The following MACROD2 variants were observed in gnomAD, a reference collection of about 807,000 sequenced individuals.
The protein encoded by MACROD2 is ADP-ribose glycohydrolase MACROD2.
A neutral mutation model predicts 70.4 loss-of-function variants in MACROD2; 36 were observed. The observed-to-expected ratio is 0.51, with a 90% confidence interval of 0.39 to 0.68. The LOEUF is 0.68. Among genes scored for constraint, MACROD2 ranks in the 30% least tolerant of loss-of-function variants. The probability of loss-of-function intolerance (pLI) is 0.00; values close to 1 mark genes in which losing one functional copy is unlikely to be tolerated. For missense variants in MACROD2, 496 were observed against 538.4 expected, an observed-to-expected ratio of 0.92 and a Z score of 0.78; for synonymous variants, 172 against 178.8, an observed-to-expected ratio of 0.96 and a Z score of 0.30.
intron 5 of MACROD2, among the ~76,000 whole-genome samples, chr20:15,190,582 GTA>G (rs1200007405): frequency 1.3e-5 from 2 of 152,206 alleles, no homozygotes; most frequent in Non-Finnish European, 2.9e-5. Context: ...CATTATTCAG[GTA>G]TTATGAGGCC....
chr20:14,516,759 A>G (rs932268103), intron 4 of MACROD2, among the ~76,000 whole-genome samples: 4 of 152,060 alleles, frequency 2.6e-5, no homozygotes. Context: ...TTGACAACCT[A>G]CAGAATGGGA....
chr20:14,936,190 C>T (rs2074339056), intron 5 of MACROD2, among the ~76,000 whole-genome samples: 3 of 152,060 alleles, frequency 2.0e-5, no homozygotes, highest in Non-Finnish European at 4.4e-5. Context: ...GAGGGCCTCT[C>T]GAAGGGTAAC....
chr20:15,915,741 C>T (rs2065305165), intron 10 of MACROD2, among the ~76,000 whole-genome samples: 1 of 151,720 alleles, frequency 6.6e-6, no homozygotes, highest in African/African-American at 2.4e-5. Context: ...GAGCACAAGG[C>T]AGGGAAAATA....
intron 3 of MACROD2, among the ~76,000 whole-genome samples, chr20:14,119,594 C>T (rs988365972): frequency 2.6e-5 from 4 of 152,192 alleles, no homozygotes; most frequent in African/African-American, 9.6e-5. Flanking sequence ...ATTATGGATA[C>T]ATTTGTTCTT....
At chr20:15,472,926 G>C (rs930829692) in intron 7 of MACROD2, among the ~76,000 whole-genome samples, 1 of 152,066 alleles carries the variant, frequency 6.6e-6, no homozygotes, top group African/African-American at 2.4e-5. Flanking sequence ...AAATTTTTCT[G>C]GTCTTCTGTT....
chr20:15,288,620 A>C (rs2077513071), intron 6 of MACROD2, among the ~76,000 whole-genome samples: 1 of 152,110 alleles, frequency 6.6e-6, no homozygotes, highest in Non-Finnish European at 1.5e-5. Flanking sequence ...CTCTTCCGGA[A>C]CTAGGATCCC....
intron 2 of MACROD2, among the ~76,000 whole-genome samples, chr20:14,033,149 G>A (rs988363499): frequency 4.7e-5 from 7 of 148,202 alleles, no homozygotes; most frequent in African/African-American, 1.7e-4. Flanking sequence ...TGTGGTAGGC[G>A]GTAAGTTGTC....
intron 3 of MACROD2, among the ~76,000 whole-genome samples, chr20:14,304,942 C>T (rs1224341436): frequency 1.3e-5 from 2 of 152,106 alleles, no homozygotes; most frequent in Non-Finnish European, 2.9e-5. Flanking sequence ...GTCTAATGCT[C>T]TTCCACTAGT....
chr20:14,850,979 G>T (rs432501), intron 5 of MACROD2, among the ~76,000 whole-genome samples: 91,324 of 151,820 alleles, frequency 0.6, 28,196 homozygotes, highest in Non-Finnish European at 0.67. Context: ...AGCATTGACA[G>T]TACAGTCCTG....
chr20:15,392,180 T>C (rs2045801911), intron 6 of MACROD2, among the ~76,000 whole-genome samples: 1 of 152,220 alleles, frequency 6.6e-6, no homozygotes. Flanking sequence ...TGCAAGAAGA[T>C]TCTGACAGTT....
chr20:15,101,172 T>C (rs901632335), intron 5 of MACROD2, among the ~76,000 whole-genome samples: 7 of 152,182 alleles, frequency 4.6e-5, no homozygotes, highest in African/African-American at 1.7e-4. Context: ...AAAAGGTATT[T>C]AGAAAGTTCT....
At chr20:14,797,350 T>C (rs2072521993) in intron 5 of MACROD2, among the ~76,000 whole-genome samples, 1 of 152,026 alleles carries the variant, frequency 6.6e-6, no homozygotes, top group African/African-American at 2.4e-5. Flanking sequence ...CCAAAATTCT[T>C]AACCCAGTCT....
intron 6 of MACROD2, among the ~76,000 whole-genome samples, chr20:15,255,482 A>G (rs75721705): frequency 6.6e-6 from 1 of 152,144 alleles, no homozygotes; most frequent in African/African-American, 2.4e-5. Context: ...CAGTATTTCA[A>G]AATGAGGGAA....
rs933949144 is a variant in MACROD2 at position 14,794,716 on chromosome 20, A to G, written c.418+109757A>G. 1.7e-4 allele frequency among the ~76,000 whole-genome samples: 26 copies of G among 152,138 alleles called. 1 individual carries two copies. Among genetic ancestry groups the G allele is most frequent in the African/African-American group, 5.6e-4 (23 of 41,392 alleles). On this transcript the variant is annotated intron_variant, in intron 5 of 17. Coordinates refer to ENST00000684519, the MANE Select transcript of MACROD2 (RefSeq NM_001351661.2). Reference sequence around the variant, plus strand: ...TATCTGTTTGTAGAGCATTTTAATTAGTTTAACAAATGTTTACTGGGGTCT... The same window carrying G: ...TATCTGTTTGTAGAGCATTTTAATTGGTTTAACAAATGTTTACTGGGGTCT...
chr20:14,239,540 A>G (rs1461583092), intron 3 of MACROD2, among the ~76,000 whole-genome samples: 1 of 152,200 alleles, frequency 6.6e-6, no homozygotes, highest in Non-Finnish European at 1.5e-5. Flanking sequence ...GGAGCAGAAT[A>G]GAGAGACCTG....
At chr20:14,000,705 T>C (rs1227859801) in intron 1 of MACROD2, among the ~76,000 whole-genome samples, 1 of 152,216 alleles carries the variant, frequency 6.6e-6, no homozygotes, top group Non-Finnish European at 1.5e-5. Context: ...CTTCCTTGTT[T>C]AGGTGAAAAA....
chr20:14,428,901 A>T (rs1329159298), intron 3 of MACROD2, among the ~76,000 whole-genome samples: 1 of 152,160 alleles, frequency 6.6e-6, no homozygotes, highest in Non-Finnish European at 1.5e-5. Context: ...TGACTCATAA[A>T]TATTATGCTT....
chr20:14,038,500 GT>G (rs1032034012), intron 2 of MACROD2, among the ~76,000 whole-genome samples: 2 of 152,194 alleles, frequency 1.3e-5, no homozygotes, highest in African/African-American at 4.8e-5. Flanking sequence ...GAGTGGCAAA[GT>G]TGGGATTTGA....
chr20:15,524,627 A>G (rs2047697720), intron 8 of MACROD2, among the ~76,000 whole-genome samples: 3 of 152,144 alleles, frequency 2.0e-5, no homozygotes, highest in Non-Finnish European at 4.4e-5. Flanking sequence ...TTAGGAGGAA[A>G]AGGAGCTATC....
Sources: gnomAD v4.1 joint callset for allele counts (sites outside exome capture counted in the v4.1 genomes callset) on GRCh38, gnomAD v4.1.1 for gene constraint, MANE v1.5 for transcripts, NCBI Gene and HGNC (gene_info 2026-07-23, HGNC 2026-07-21) for gene names.